The following RREB1 variants were observed in gnomAD, a reference collection of about 807,000 sequenced individuals.
RREB1 encodes the protein ras-responsive element-binding protein 1.
RREB1 carries 27 observed loss-of-function variants against 117.8 expected under a neutral mutation model. That is an observed-to-expected ratio of 0.23 (90% CI 0.17 to 0.32). RREB1 has a LOEUF of 0.32. RREB1 is among the 10% of genes least tolerant of loss of function. The pLI, the probability that RREB1 is intolerant of heterozygous loss-of-function variation, is 1.00. For missense variants in RREB1, 2,577 were observed against 2,378.2 expected, an observed-to-expected ratio of 1.08 and a Z score of -1.74; for synonymous variants, 1,298 against 1,026.7, an observed-to-expected ratio of 1.26 and a Z score of -5.05.
intron 1 of RREB1, among the ~76,000 whole-genome samples, chr6:7,123,209 G>A (rs1417157850): frequency 1.3e-5 from 2 of 151,900 alleles, no homozygotes; most frequent in African/African-American, 4.8e-5. Flanking sequence ...CCAGGCTGGA[G>A]TACAATGGTG....
intron 1 of RREB1, among the ~76,000 whole-genome samples, chr6:7,165,140 G>T (rs984166255): frequency 2.6e-5 from 4 of 152,232 alleles, no homozygotes; most frequent in African/African-American, 4.8e-5. Context: ...AGTTGGAGCT[G>T]CAATGGATGC....
At chr6:7,130,929 CTTTTTTTTTTTT>C (rs61305060) in intron 1 of RREB1, among the ~76,000 whole-genome samples, 2 of 45,758 alleles carry the variant, frequency 4.4e-5, no homozygotes, top group African/African-American at 1.1e-4. Context: ...ATAGTCATGT[CTTTTTTTTTTTT>C]TTTTTTTTTT....
Position 7,229,993 on chromosome 6 carries a change from G to A in RREB1, c.1894G>A (p.Gly632Ser), listed in dbSNP as rs1767827892. Residue 632 changes from glycine to serine, a missense_variant, in exon 10 of 13, where the codon GGC becomes AGC. Gly to Ser is a moderately conservative substitution (Grantham distance 56, BLOSUM62 0). Coordinates refer to ENST00000379938, the MANE Select transcript of RREB1 (RefSeq NM_001003699.4). The surrounding 1 kb of genome is among the most constrained non-coding windows in gnomAD (Gnocchi z 4.5). Reference protein sequence around the residue: ...ELKAFMTAPGGKKTPAMRKVL... With the variant: ...ELKAFMTAPGSKKTPAMRKVL... ...CAAGGCCTTCATGACAGCGCCCGGC[G>A]GCAAGAAGACGCCCGCCATGCGCAA... 6.2e-7 allele frequency: 1 copy of A among 1,607,574 alleles called. No individual in the cohort carries two copies. The highest frequency in any genetic ancestry group is 8.5e-7 in the Non-Finnish European group (1 of 1,175,638).
chr6:7,164,450 T>C (rs1346171620), intron 1 of RREB1, among the ~76,000 whole-genome samples: 1 of 152,244 alleles, frequency 6.6e-6, no homozygotes, highest in Admixed American at 6.5e-5. Context: ...AAATGTCTGA[T>C]TTAATCATTT....
chr6:7,164,323 C>CTG (rs1763819585), intron 1 of RREB1, among the ~76,000 whole-genome samples: 1 of 152,162 alleles, frequency 6.6e-6, no homozygotes, highest in Non-Finnish European at 1.5e-5. Context: ...GTTCTCTTAC[C>CTG]TGTGTGACTG....
intron 1 of RREB1, among the ~76,000 whole-genome samples, chr6:7,111,789 T>TA (rs1761158606): frequency 6.6e-6 from 1 of 152,226 alleles, no homozygotes; most frequent in Non-Finnish European, 1.5e-5. Flanking sequence ...TCTTGACTAT[T>TA]ACCAGTGTGT....
chr6:7,199,467 C>A (rs1041391023), intron 6 of RREB1, among the ~76,000 whole-genome samples: 2 of 152,142 alleles, frequency 1.3e-5, no homozygotes, highest in African/African-American at 4.8e-5. Context: ...ATTGGGGCAA[C>A]GTAGACTGCA....
At chr6:7,131,869 T>G (rs1458902494) in intron 1 of RREB1, among the ~76,000 whole-genome samples, 1 of 152,096 alleles carries the variant, frequency 6.6e-6, no homozygotes, top group Non-Finnish European at 1.5e-5. Flanking sequence ...AGGACTTTTT[T>G]TTTTTTTGGA....
Position 7,229,736 on chromosome 6 carries a change from C to T in RREB1, c.1637C>T (p.Pro546Leu). 8 of 1,601,060 alleles carry T rather than the reference C, an allele frequency of 5.0e-6. No homozygotes were observed. The highest frequency in any genetic ancestry group is 6.8e-6 in the Non-Finnish European group (8 of 1,171,282). Reference sequence around the variant, plus strand: ...ATCAGCCCCAGCCTGCCGCCACCGCCCCTGAAGCTCCTCAAAGGCTCAGTG... The same window carrying T: ...ATCAGCCCCAGCCTGCCGCCACCGCTCCTGAAGCTCCTCAAAGGCTCAGTG... The part of the protein sequence containing the change: ...GCISPSLPPP[P>L]LKLLKGSVEA... The change falls in exon 10 of 13, where the codon CCC (proline) becomes CTC (leucine). Residue 546 changes from proline (P) to leucine (L), a missense_variant. Physicochemically the swap from Pro to Leu is moderately conservative, Grantham distance 98. Coordinates refer to ENST00000379938, the MANE Select transcript of RREB1 (RefSeq NM_001003699.4). This position sits in a 1 kb window ranked among gnomAD's most constrained non-coding sequence, Gnocchi z 4.5.
chr6:7,224,998 C>A (rs912922565), intron 8 of RREB1, among the ~76,000 whole-genome samples: 1 of 152,092 alleles, frequency 6.6e-6, no homozygotes, highest in Non-Finnish European at 1.5e-5. Flanking sequence ...CCCGCTACAG[C>A]GCGATAAGGC....
At chr6:7,186,867 GTATT>G (rs925621449) in intron 4 of RREB1, among the ~76,000 whole-genome samples, 8 of 152,196 alleles carry the variant, frequency 5.3e-5, no homozygotes, top group Admixed American at 2.0e-4. Context: ...TTTTTGTTGA[GTATT>G]TATGAGCAGT....
rs70978941 is a variant in RREB1 at position 7,117,388 on chromosome 6, G to GTTTTTTTTTTTT, written c.-285+9354_-285+9365dup. On this transcript the variant is annotated intron_variant, in intron 1 of 12. Transcript: ENST00000379938. ...GGTGAACCATGTGAATAGGTTTCCT[G>GTTTTTTTTTTTT]TTTTTTTTTTTTTTTTTTTTTTTTT... 4.6e-4 allele frequency among the ~76,000 whole-genome samples: 29 copies of GTTTTTTTTTTTT among 63,290 alleles called. 2 individuals are homozygous for GTTTTTTTTTTTT. Among genetic ancestry groups the GTTTTTTTTTTTT allele is most frequent in the Non-Finnish European group, 6.0e-4 (22 of 36,804 alleles). The allele number at this position is 63,290 out of a possible 152,430, so 41.5% of individuals were successfully genotyped here.
chr6:7,200,611 C>T (rs1198967232), intron 6 of RREB1, among the ~76,000 whole-genome samples: 2 of 152,116 alleles, frequency 1.3e-5, no homozygotes, highest in African/African-American at 4.8e-5. Context: ...CCTCTTGTGG[C>T]CGATGCTTAC....
At chr6:7,133,366 T>C (rs1250957834) in intron 1 of RREB1, among the ~76,000 whole-genome samples, 1 of 152,164 alleles carries the variant, frequency 6.6e-6, no homozygotes, top group African/African-American at 2.4e-5. Flanking sequence ...ATTGTATCAA[T>C]AATCCACCAA....
At chr6:7,216,483 G>A (rs772925389) in intron 8 of RREB1, 16 of 152,198 alleles carry the variant, frequency 1.1e-4, no homozygotes, top group African/African-American at 2.9e-4. Flanking sequence ...CAGGAACCTC[G>A]GCTCCATGAG....
rs747872282 is a variant in RREB1, at chr6:7,176,790, T to C, written c.-166+17T>C. The C allele has an allele frequency of 7.2e-5, 11 of 152,710 alleles. No individual in the cohort carries two copies. The highest frequency in any genetic ancestry group is 2.4e-4 in the African/African-American group (10 of 41,550). 9.5% of individuals were successfully genotyped at this position (152,710 alleles called of 1,614,324 possible). Reference sequence around the variant, plus strand: ...AGAAAACAGGTTAGTGAAACAGTTTTCACTCGCAGTGAGTCACAATAATGT... The same window carrying C: ...AGAAAACAGGTTAGTGAAACAGTTTCCACTCGCAGTGAGTCACAATAATGT... On this transcript the variant is annotated intron_variant, in intron 2 of 12. Transcript: ENST00000379938.
At chr6:7,211,271 GC>G (rs1477557502) in intron 7 of RREB1, among the ~76,000 whole-genome samples, 1 of 136,626 alleles carries the variant, frequency 7.3e-6, no homozygotes, top group Non-Finnish European at 1.5e-5. Flanking sequence ...CCAGTGCCTG[GC>G]AGATACCCGG....
intron 6 of RREB1, among the ~76,000 whole-genome samples, chr6:7,201,877 T>C (rs192231447): frequency 6.6e-6 from 1 of 152,208 alleles, no homozygotes. Context: ...TCCTCTCCAG[T>C]TTCTGTTGGT....
intron 8 of RREB1, among the ~76,000 whole-genome samples, chr6:7,221,670 T>C (rs1216650191): frequency 6.6e-6 from 1 of 152,202 alleles, no homozygotes; most frequent in African/African-American, 2.4e-5. Flanking sequence ...TGAGTGCTTG[T>C]GCAGGCTGGG....
Sources: allele counts gnomAD v4.1 joint callset (sites outside exome capture counted in the v4.1 genomes callset), GRCh38; gene constraint gnomAD v4.1.1; non-coding constraint Gnocchi (gnomAD v3.1); transcripts MANE v1.5; gene names NCBI Gene and HGNC (gene_info 2026-07-23, HGNC 2026-07-21).